Variants in NOPCHAP1 observed in about 807,000 individuals in gnomAD.
NOPCHAP1 encodes NOP protein chaperone 1.
NOPCHAP1 carries 13 observed loss-of-function variants against 14.0 expected under a neutral mutation model. The ratio of observed to expected loss-of-function variants is 0.93; its 90% confidence interval spans 0.60 to 1.47. The LOEUF is 1.47. NOPCHAP1 is among the 40% of genes most tolerant of loss of function. The pLI, the probability that NOPCHAP1 is intolerant of heterozygous loss-of-function variation, is 0.00. For synonymous variants in NOPCHAP1, 78 were observed against 78.4 expected (o/e 1.00, Z 0.03); for missense variants, 230 against 226.9 (o/e 1.01, Z -0.09).
rs374254858 is a variant in NOPCHAP1, at chr12:104,986,372, C to T, written c.20C>T (p.Pro7Leu). 2 of 1,610,596 alleles carry T rather than the reference C, an allele frequency of 1.2e-6. No homozygotes were observed. The highest frequency in any genetic ancestry group is 1.7e-6 in the Non-Finnish European group (2 of 1,178,624). Residue 7 changes from proline to leucine, a missense_variant, in exon 1 of 4, where the codon CCC becomes CTC. Pro to Leu is a moderately conservative substitution (Grantham distance 98). Transcript: ENST00000552951. ...GGAAGCATGGAGGTCCATGGCAAGC[C>T]CAAGGCTAGCCCGAGTTGTTCGTCG... is the stretch of plus-strand genomic sequence containing the variant. MEVHGKPKASPSCSSPT... is the reference protein window; with the variant it reads MEVHGKLKASPSCSSPT...
chr12:104,992,583 C>G (rs975541152), intron 3 of NOPCHAP1, among the ~76,000 whole-genome samples: 1 of 152,196 alleles, frequency 6.6e-6, no homozygotes, highest in African/African-American at 2.4e-5. Flanking sequence ...CTGCAGTTCT[C>G]TATCTCAGAG....
rs1873348522 is a variant in NOPCHAP1, at chr12:104,990,507, C to G, written c.203-1205C>G. The stretch of plus-strand genomic sequence containing the variant: ...TGCTCTTAGGGAGTCCTTCCAGCAC[C>G]TTATTTTACAAATAGAGGTCGTCTA... On this transcript the variant is annotated intron_variant, in intron 2 of 3. Transcript: ENST00000552951. Among the ~76,000 whole-genome samples, 3 of 152,286 alleles carry G rather than the reference C, an allele frequency of 2.0e-5. No individual in the cohort carries two copies. The South Asian group carries it at 6.2e-4, about 32-fold the overall frequency.
In NOPCHAP1 at chr12:104,991,757, A is replaced by T. The variant is rs145611751; in HGVS notation, c.248A>T (p.Asn83Ile). 1.2e-6 allele frequency: 2 copies of T among 1,613,798 alleles called. No homozygotes were observed. The highest frequency in any genetic ancestry group is 1.7e-6 in the Non-Finnish European group (2 of 1,179,968). ...QTFLPQMARA[N>I]EKLRKEMAAA... Reference sequence around the variant, plus strand: ...TTTCTCCCACAGATGGCACGGGCAAATGAAAAGCTAAGAAAAGAAATGGCA... The same window carrying T: ...TTTCTCCCACAGATGGCACGGGCAATTGAAAAGCTAAGAAAAGAAATGGCA... Residue 83 changes from asparagine (N) to isoleucine (I), a missense_variant, in exon 3 of 4, where the codon AAT (asparagine) becomes ATT (isoleucine). By Grantham distance (149) the Asn-to-Ile change is moderately radical. Coordinates refer to ENST00000552951, the MANE Select transcript of NOPCHAP1 (RefSeq NM_152318.3).
At position 104,996,908 on chromosome 12, in the gene NOPCHAP1, A is replaced by G. The variant is rs1400808695; in HGVS notation, c.*2212A>G. 5.3e-5 allele frequency: 8 copies of G among 151,254 alleles called. No individual in the cohort carries two copies. Among genetic ancestry groups the G allele is most frequent in the Non-Finnish European group, 1.2e-4 (8 of 67,786 alleles). 9.4% of individuals were successfully genotyped at this position (151,254 alleles called of 1,614,324 possible). A position where few individuals can be genotyped will look rare whatever the true frequency, so the allele number is the denominator to read the frequency against. ...TGTTTTGTCTGAAATTAAAATAGCAACCCCTGCCTTTTTCTTTCTGTTTGC... is the reference window on the plus strand; with the variant it reads ...TGTTTTGTCTGAAATTAAAATAGCAGCCCCTGCCTTTTTCTTTCTGTTTGC... On this transcript the variant is annotated 3_prime_UTR_variant, in exon 4 of 4. Transcript: ENST00000552951.
At chr12:104,993,234 T>C (rs11112284) in intron 3 of NOPCHAP1, among the ~76,000 whole-genome samples, 49,253 of 152,030 alleles carry the variant, frequency 0.32, 9,837 homozygotes, top group African/African-American at 0.56. Flanking sequence ...CTGTAAGAGG[T>C]CAGATAGTAA....
rs2136031233 is a variant in NOPCHAP1 at position 105,005,465 on chromosome 12, A to G, written c.*10769A>G. On this transcript the variant is annotated 3_prime_UTR_variant, in exon 4 of 4. Coordinates refer to ENST00000552951, the MANE Select transcript of NOPCHAP1 (RefSeq NM_152318.3). ...GGTGACCAATCAGAGGCTGAAGTGA[A>G]GTTACAGAGTTACACCCTATGCAAA... is the stretch of plus-strand genomic sequence containing the variant. 1 of 152,366 alleles carries G rather than the reference A, an allele frequency of 6.6e-6. No individual in the cohort carries two copies. The highest frequency in any genetic ancestry group is 1.9e-4 in the East Asian group (1 of 5,194). 9.4% of individuals were successfully genotyped at this position (152,366 alleles called of 1,614,324 possible).
In NOPCHAP1 at chr12:104,994,458, C is replaced by G. The variant is rs748060312; in HGVS notation, c.340-20C>G. On this transcript the variant is annotated intron_variant, in intron 3 of 3. Transcript: ENST00000552951. ...AAGGAACTGCTCTGAAATAGATTTCCTGTCCACTACTTTTTGCAGGATGTG... is the reference window on the plus strand; with the variant it reads ...AAGGAACTGCTCTGAAATAGATTTCGTGTCCACTACTTTTTGCAGGATGTG... 6.2e-7 allele frequency: 1 copy of G among 1,604,354 alleles called. No homozygotes were observed.
chr12:104,986,609 G>GGGA, intron 1 of NOPCHAP1, 142 bp downstream of exon 1: 2 of 648,520 alleles, frequency 3.1e-6, no homozygotes, highest in Non-Finnish European at 4.8e-6. Flanking sequence ...CGGGGCTCCG[G>GGGA]CGTGCCCTGC....
At position 104,996,967 on chromosome 12, in the gene NOPCHAP1, C is replaced by T. The variant is rs1270039057; in HGVS notation, c.*2271C>T. The T allele has an allele frequency of 6.6e-6, 1 of 152,138 alleles. No homozygotes were observed. The highest frequency in any genetic ancestry group is 1.5e-5 in the Non-Finnish European group (1 of 68,024). The allele number at this position is 152,138 out of a possible 1,614,324, so 9.4% of individuals were successfully genotyped here. A position where few individuals can be genotyped will look rare whatever the true frequency, so the allele number is the denominator to read the frequency against. On this transcript the variant is annotated 3_prime_UTR_variant, in exon 4 of 4. Transcript: ENST00000552951. ...GTTTTCTCCATCCCTTTACTTTGAG[C>T]TTCTGAGTGTCACTGCATGTGAGGT...
Position 104,986,361 on chromosome 12 carries a change from C to T in NOPCHAP1, c.9C>T (p.Val3=), listed in dbSNP as rs199672636. ...GCAGGCTTGAGGGAAGCATGGAGGTCCATGGCAAGCCCAAGGCTAGCCCGA... is the reference window on the plus strand; with the variant it reads ...GCAGGCTTGAGGGAAGCATGGAGGTTCATGGCAAGCCCAAGGCTAGCCCGA... The part of the protein sequence containing the change: ME[V]HGKPKASPSC... Residue 3 remains valine (V), a synonymous_variant, in exon 1 of 4, where the codon GTC becomes GTT. Transcript: ENST00000552951. 3.7e-6 allele frequency: 6 copies of T among 1,608,836 alleles called. No homozygotes were observed. The highest frequency in any genetic ancestry group is 1.3e-5 in the African/African-American group (1 of 74,818).
In NOPCHAP1 at chr12:105,010,011, A is replaced by G. The variant is rs781590369; in HGVS notation, c.*15315A>G. The G allele has an allele frequency of 5.3e-5, 8 of 150,262 alleles. No homozygotes were observed. Among genetic ancestry groups the G allele is most frequent in the Non-Finnish European group, 8.9e-5 (6 of 67,458 alleles). The allele number at this position is 150,262 out of a possible 1,614,324, so 9.3% of individuals were successfully genotyped here. A position where few individuals can be genotyped will look rare whatever the true frequency, so the allele number is the denominator to read the frequency against. The stretch of plus-strand genomic sequence containing the variant: ...ATTAGGGAGGAGTCCCTCTTTTTCT[A>G]TTGTTGGGAATAGTTTCAGAAGGAA... On this transcript the variant is annotated 3_prime_UTR_variant, in exon 4 of 4. Coordinates refer to ENST00000552951, the MANE Select transcript of NOPCHAP1 (RefSeq NM_152318.3).
rs1199028738 is a variant in NOPCHAP1 at position 104,997,526 on chromosome 12, GC to G, written c.*2835del. 1 of 152,128 alleles carries G rather than the reference GC, an allele frequency of 6.6e-6. No homozygotes were observed. The highest frequency in any genetic ancestry group is 2.4e-5 in the African/African-American group (1 of 41,416). 9.4% of individuals were successfully genotyped at this position (152,128 alleles called of 1,614,324 possible). A position where few individuals can be genotyped will look rare whatever the true frequency, so the allele number is the denominator to read the frequency against. ...AATAAATAAAGAATGCTGAATATAGGCCCCCGATCTCTTCTGGCTTGTAGAG... is the reference window on the plus strand; with the variant it reads ...AATAAATAAAGAATGCTGAATATAGGCCCCGATCTCTTCTGGCTTGTAGAG... On this transcript the variant is annotated 3_prime_UTR_variant, in exon 4 of 4. Coordinates refer to ENST00000552951, the MANE Select transcript of NOPCHAP1 (RefSeq NM_152318.3).
rs931268454 is a variant in NOPCHAP1 at position 105,003,881 on chromosome 12, A to G, written c.*9185A>G. ...GCATGGTTTGATAACTTGACTGCCT[A>G]TGACTGGCTGAAGCTCACCTGTTTC... On this transcript the variant is annotated 3_prime_UTR_variant, in exon 4 of 4. Transcript: ENST00000552951. 2.0e-5 allele frequency: 3 copies of G among 152,216 alleles called. No homozygotes were observed. The highest frequency in any genetic ancestry group is 2.9e-5 in the Non-Finnish European group (2 of 68,030). The allele number at this position is 152,216 out of a possible 1,614,324, so 9.4% of individuals were successfully genotyped here. A position where few individuals can be genotyped will look rare whatever the true frequency, so the allele number is the denominator to read the frequency against.
At position 105,011,654 on chromosome 12, in the gene NOPCHAP1, T is replaced by G. The variant is rs1342863474; in HGVS notation, c.*16958T>G. The stretch of plus-strand genomic sequence containing the variant: ...AGTTTTTCCTTTCCATATTTAGTGC[T>G]GCCTTCAGGAGCTCTTGTAAGGCAG... On this transcript the variant is annotated 3_prime_UTR_variant, in exon 4 of 4. Coordinates refer to ENST00000552951, the MANE Select transcript of NOPCHAP1 (RefSeq NM_152318.3). The G allele has an allele frequency of 1.3e-5, 2 of 152,246 alleles. No individual in the cohort carries two copies. Among genetic ancestry groups the G allele is most frequent in the Non-Finnish European group, 1.5e-5 (1 of 68,040 alleles). 9.4% of individuals were successfully genotyped at this position (152,246 alleles called of 1,614,324 possible).
chr12:104,994,544 C>T lies in NOPCHAP1; in HGVS notation c.406C>T (p.Gln136Ter), dbSNP rs1362127730. The T allele has an allele frequency of 6.2e-7, 1 of 1,612,986 alleles. No individual in the cohort carries two copies. The highest frequency in any genetic ancestry group is 8.5e-7 in the Non-Finnish European group (1 of 1,179,396). The change falls in exon 4 of 4, where the codon CAA (glutamine) becomes TAA (stop). Residue 136 changes from glutamine to a stop codon, truncating the protein, a stop_gained. Coordinates refer to ENST00000552951, the MANE Select transcript of NOPCHAP1 (RefSeq NM_152318.3). LOFTEE classifies it high-confidence loss of function. ...KEVDSSEESS[Q>*]DSSENSSESE... Reference sequence around the variant, plus strand: ...AGTGGACAGTTCAGAAGAGAGTTCACAAGACAGTTCAGAGAACAGTTCAGA... The same window carrying T: ...AGTGGACAGTTCAGAAGAGAGTTCATAAGACAGTTCAGAGAACAGTTCAGA...
intron 1 of NOPCHAP1, 83 bp downstream of exon 1, chr12:104,986,550 G>A (rs1202929082): frequency 3.4e-6 from 4 of 1,186,508 alleles, no homozygotes; most frequent in Non-Finnish European, 4.6e-6. Context: ...CCGGCCGGTG[G>A]CTCCCTGCCC....
In NOPCHAP1 at chr12:105,000,368, C is replaced by T. The variant is rs1223413516; in HGVS notation, c.*5672C>T. 1 of 152,086 alleles carries T rather than the reference C, an allele frequency of 6.6e-6. No individual in the cohort carries two copies. The highest frequency in any genetic ancestry group is 2.4e-5 in the African/African-American group (1 of 41,396). 9.4% of individuals were successfully genotyped at this position (152,086 alleles called of 1,614,324 possible). A position where few individuals can be genotyped will look rare whatever the true frequency, so the allele number is the denominator to read the frequency against. ...CTTCGGGAACTCAGAGAGGTGTTGG[C>T]ATTAGTGGAGTTGTTTCCTGGTTTT... On this transcript the variant is annotated 3_prime_UTR_variant, in exon 4 of 4. Coordinates refer to ENST00000552951, the MANE Select transcript of NOPCHAP1 (RefSeq NM_152318.3).
At position 104,988,236 on chromosome 12, in the gene NOPCHAP1, G is replaced by C; in HGVS notation, c.185G>C (p.Arg62Pro). The C allele has an allele frequency of 6.2e-7, 1 of 1,611,178 alleles. No homozygotes were observed. Among genetic ancestry groups the C allele is most frequent in the Non-Finnish European group, 8.5e-7 (1 of 1,178,064 alleles). ...SRKTSTLQTVRIERSPLLDQV... is the reference protein window; with the variant it reads ...SRKTSTLQTVPIERSPLLDQV... ...AAGACCTCCACTCTTCAAACAGTTC[G>C]GATAGAGAGGAGTCCCTGTAAGTAC... is the stretch of plus-strand genomic sequence containing the variant. The change falls in exon 2 of 4, where the codon CGG (arginine) becomes CCG (proline). Residue 62 changes from arginine to proline, a missense_variant. Arg to Pro is a moderately radical substitution (Grantham distance 103, BLOSUM62 -2). Transcript: ENST00000552951.
intron 2 of NOPCHAP1, among the ~76,000 whole-genome samples, chr12:104,990,613 A>G (rs1873353926): frequency 6.6e-6 from 1 of 152,180 alleles, no homozygotes; most frequent in African/African-American, 2.4e-5. Context: ...TAGCAGTTAC[A>G]TAAGTTTTGA....
Sources: gnomAD v4.1 joint callset for allele counts (sites outside exome capture counted in the v4.1 genomes callset) on GRCh38, gnomAD v4.1.1 for gene constraint, MANE v1.5 for transcripts, NCBI Gene and HGNC (gene_info 2026-07-23, HGNC 2026-07-21) for gene names.